The following STAG3 variants were observed in gnomAD, a reference collection of about 807,000 sequenced individuals.
STAG3 encodes the protein STAG3 cohesin complex component.
In STAG3, 101 loss-of-function variants were observed where a neutral mutation model predicts 160.7. The observed-to-expected ratio is 0.63, with a 90% CI of 0.54 to 0.74. The LOEUF is 0.74. Ranked by LOEUF, STAG3 falls within the 30% of genes least tolerant of loss-of-function variation. The pLI is 0.00. For synonymous variants in STAG3, 519 were observed against 585.0 expected (o/e 0.89, Z 1.63); for missense variants, 1,188 against 1,517.4 (o/e 0.78, Z 3.61).
chr7:100,199,628 G>A lies in STAG3; in HGVS notation c.1661G>A (p.Arg554Gln), dbSNP rs961408883. Residue 554 changes from arginine to glutamine, a missense_variant, in exon 16 of 34, where the codon CGG becomes CAG. Transcript: ENST00000615138. ...QASEGHPPVG[R>Q]VTGRKGLTSK... Reference sequence around the variant, plus strand: ...TCAGAGGGGCACCCGCCTGTGGGCCGGGTCACTGGGAGGAAGGTATGGTGT... The same window carrying A: ...TCAGAGGGGCACCCGCCTGTGGGCCAGGTCACTGGGAGGAAGGTATGGTGT... The A allele has an allele frequency of 2.5e-6, 4 of 1,596,444 alleles. No individual in the cohort carries two copies. The highest frequency in any genetic ancestry group is 1.7e-4 in the Middle Eastern group (1 of 5,980).
downstream of STAG3, among the ~76,000 whole-genome samples, chr7:100,215,349 C>T (rs532791991): frequency 3.3e-5 from 5 of 152,288 alleles, no homozygotes; most frequent in South Asian, 1.0e-3. Flanking sequence ...CCTCCCCGCC[C>T]CCACCTGCCC....
intron 5 of STAG3, among the ~76,000 whole-genome samples, chr7:100,186,952 T>C (rs767652323): frequency 6.6e-6 from 1 of 152,232 alleles, no homozygotes; most frequent in Non-Finnish European, 1.5e-5. Flanking sequence ...GCTTCGTTTA[T>C]TGGGACAGAT....
chr7:100,214,938 G>A (rs1802632011), downstream of STAG3: 1 of 151,942 alleles, frequency 6.6e-6, no homozygotes, highest in South Asian at 2.1e-4. Flanking sequence ...TCTGGCCTAT[G>A]TCCTCCACAC....
At chr7:100,210,889 G>C (rs1584781580) in intron 29 of STAG3, 122 bp from the exon 30 acceptor site, 5 of 1,048,192 alleles carry the variant, frequency 4.8e-6, no homozygotes, top group East Asian at 2.4e-5. Context: ...GAATGAAGCT[G>C]TATAAGTTTT....
At chr7:100,206,291 C>T (rs562913824) in intron 29 of STAG3, among the ~76,000 whole-genome samples, 1 of 151,868 alleles carries the variant, frequency 6.6e-6, no homozygotes, top group Non-Finnish European at 1.5e-5. Context: ...GCTGGGATTA[C>T]AGGTGTGAGC....
intron 29 of STAG3, among the ~76,000 whole-genome samples, chr7:100,205,817 G>A (rs1475825709): frequency 4.7e-5 from 7 of 147,996 alleles, no homozygotes; most frequent in East Asian, 2.0e-4. Flanking sequence ...GTGACAGAGC[G>A]AGACTCTGTC....
rs565442261 is a variant in STAG3 at position 100,178,712 on chromosome 7, A to G, written c.-65+707A>G. ...AAGTACTGGGATTATAGGCGGGAGCACTGTGCACCACGCCTCGGCTTTTGG... is the reference window on the plus strand; with the variant it reads ...AAGTACTGGGATTATAGGCGGGAGCGCTGTGCACCACGCCTCGGCTTTTGG... On this transcript the variant is annotated intron_variant, in intron 1 of 33. Coordinates refer to ENST00000615138, the MANE Select transcript of STAG3 (RefSeq NM_001282717.2). 2.8e-4 allele frequency among the ~76,000 whole-genome samples: 42 copies of G among 151,786 alleles called. 1 individual carries two copies. The East Asian group carries it at 7.7e-3, about 28-fold the overall frequency.
chr7:100,204,478 C>G (rs958083982), intron 26 of STAG3, 149 bp from the exon 27 acceptor site: 5 of 922,636 alleles, frequency 5.4e-6, no homozygotes, highest in Admixed American at 2.9e-5. Flanking sequence ...GCAGGGGTAT[C>G]GGGAGTTCCC....
intron 8 of STAG3, among the ~76,000 whole-genome samples, chr7:100,191,001 A>G (rs982354906): frequency 6.6e-6 from 1 of 152,178 alleles, no homozygotes; most frequent in African/African-American, 2.4e-5. Context: ...TGTTGTTCTT[A>G]CATAATTGAA....
At chr7:100,186,080 T>C in intron 4 of STAG3, 120 bp from the exon 5 acceptor site, 1 of 842,382 alleles carries the variant, frequency 1.2e-6, no homozygotes, top group Admixed American at 2.1e-5. Context: ...CACCAGTACA[T>C]TGTGAAAGAT....
chr7:100,198,434 A>C (rs111629818), intron 12 of STAG3, 41 bp from the exon 13 acceptor site: 23 of 1,595,876 alleles, frequency 1.4e-5, no homozygotes, highest in Non-Finnish European at 2.0e-5. Context: ...CCAGAAGACA[A>C]TGTCCCTATT....
At chr7:100,215,367 A>C (rs1222499598), downstream of STAG3, among the ~76,000 whole-genome samples, 3 of 151,890 alleles carry the variant, frequency 2.0e-5, no homozygotes, top group Non-Finnish European at 4.4e-5. Flanking sequence ...CCCCTCCCAG[A>C]TGAAAGCTAT....
chr7:100,189,552 A>G lies in STAG3; in HGVS notation c.823A>G (p.Arg275Gly). ...TGAAAGAAACAAGGGGCCAGGGCAG[A>G]GGGCACCTGAGCGGCTGGAGAGCCT... ...EAERNKGPGQ[R>G]APERLESLLE... Residue 275 changes from arginine (R) to glycine (G), a missense_variant, in exon 8 of 34, where the codon AGG becomes GGG. Arg to Gly is a moderately radical substitution (Grantham distance 125). Transcript: ENST00000615138. The G allele has an allele frequency of 6.2e-7, 1 of 1,614,158 alleles. No homozygotes were observed. Among genetic ancestry groups the G allele is most frequent in the Non-Finnish European group, 8.5e-7 (1 of 1,180,004 alleles).
intron 25 of STAG3, 72 bp downstream of exon 25, chr7:100,202,662 A>C: frequency 6.4e-7 from 1 of 1,555,850 alleles, no homozygotes; most frequent in Non-Finnish European, 8.7e-7. Flanking sequence ...GAAACATAAT[A>C]GCACTACAGG....
rs559121667 is a variant in STAG3, at chr7:100,199,851, C to T, written c.1677+207C>T. 1.9e-4 allele frequency among the ~76,000 whole-genome samples: 28 copies of T among 148,774 alleles called. 1 individual carries two copies. In the South Asian group the frequency reaches 5.7e-3, roughly 30 times the overall value. On this transcript the variant is annotated intron_variant, in intron 16 of 33. Transcript: ENST00000615138. ...CAGGCAGATCACGAGGTCAGGAGAT[C>T]GAGACCATCCTGGCTGACACAGTGA...
At chr7:100,184,826 G>T (rs1799891105) in intron 4 of STAG3, among the ~76,000 whole-genome samples, 1 of 151,612 alleles carries the variant, frequency 6.6e-6, no homozygotes, top group Non-Finnish European at 1.5e-5. Flanking sequence ...ATTAAACATA[G>T]TCATTTTATA....
Position 100,186,222 on chromosome 7 carries a change from A to G in STAG3, c.359A>G (p.Asp120Gly). The change falls in exon 5 of 34, where the codon GAT (aspartate) becomes GGT (glycine). Residue 120 changes from aspartate (D) to glycine (G), a missense_variant. Physicochemically the swap from Asp to Gly is moderately conservative, Grantham distance 94 (BLOSUM62 -1). Around this residue, in one of 4 missense-constraint regions of STAG3, gnomAD observed 296 missense variants for 404.0 expected, o/e 0.73. Coordinates refer to ENST00000615138, the MANE Select transcript of STAG3 (RefSeq NM_001282717.2). ...DMQSLVDEWL[D>G]SYKQDQDAGF... is the part of the protein sequence containing the mutation. ...TAGTCTTTGGTAGATGAGTGGCTGGATAGCTACAAGCAAGACCAGGATGCA... is the reference window on the plus strand; with the variant it reads ...TAGTCTTTGGTAGATGAGTGGCTGGGTAGCTACAAGCAAGACCAGGATGCA... The G allele has an allele frequency of 1.2e-6, 2 of 1,614,120 alleles. No homozygotes were observed.
At chr7:100,208,048 G>A (rs1293041896) in intron 29 of STAG3, among the ~76,000 whole-genome samples, 5 of 151,968 alleles carry the variant, frequency 3.3e-5, no homozygotes, top group African/African-American at 7.3e-5. Flanking sequence ...CCCGGGAGGC[G>A]GAGCTTGCAG....
intron 9 of STAG3, 76 bp downstream of exon 9, chr7:100,195,458 C>T: frequency 7.4e-7 from 1 of 1,347,242 alleles, no homozygotes; most frequent in South Asian, 1.3e-5. Flanking sequence ...AAGGTTTTCC[C>T]CCCTCCAACC....
Sources: gnomAD v4.1 joint callset for allele counts (sites outside exome capture counted in the v4.1 genomes callset) on GRCh38, gnomAD v4.1.1 for gene constraint, gnomAD v4.1.1 regional missense constraint, MANE v1.5 for transcripts, NCBI Gene and HGNC (gene_info 2026-07-23, HGNC 2026-07-21) for gene names.